HSPG2: variants seen among roughly 807,000 people sequenced by gnomAD.
HSPG2 encodes the protein heparan sulfate proteoglycan 2, also known as basement membrane-specific heparan sulfate proteoglycan core protein.
Under a neutral mutation model 526.6 loss-of-function variants are expected in HSPG2, and 278 were observed. The observed-to-expected ratio is 0.53, with a 90% CI of 0.48 to 0.58. HSPG2 has a LOEUF of 0.58. Ranked by LOEUF, HSPG2 falls within the 20% of genes least tolerant of loss-of-function variation. HSPG2 has a pLI of 0.00. For missense variants in HSPG2, 5,354 were observed against 6,099.5 expected (o/e 0.88, Z 4.07); for synonymous variants, 2,465 against 2,555.4 (o/e 0.96, Z 1.07).
At chr1:21,855,947 T>G (rs781013769) in intron 44 of HSPG2, 35 bp from the exon 45 acceptor site, 2 of 1,601,408 alleles carry the variant, frequency 1.2e-6, no homozygotes, top group African/African-American at 2.7e-5. Context: ...GCACTCAGGG[T>G]GGGGAGTGTC....
chr1:21,902,824 C>T (rs1160925783), intron 1 of HSPG2, among the ~76,000 whole-genome samples: 2 of 152,232 alleles, frequency 1.3e-5, no homozygotes, highest in Non-Finnish European at 2.9e-5. Context: ...CCCGCACTCA[C>T]CACGTTGCCT....
chr1:21,882,858 C>G (rs1342166045), intron 13 of HSPG2, among the ~76,000 whole-genome samples: 2 of 152,180 alleles, frequency 1.3e-5, no homozygotes, highest in South Asian at 2.1e-4. Flanking sequence ...GCTTCTCCCC[C>G]TCATCCTGAA....
chr1:21,870,389 AC>A, intron 33 of HSPG2: 1 of 629,622 alleles, frequency 1.6e-6, no homozygotes, highest in Non-Finnish European at 2.0e-6. Context: ...AGGGTCCTCT[AC>A]CCACGGACAT....
At position 21,880,769 on chromosome 1, in the gene HSPG2, G is replaced by A; in HGVS notation, c.1885C>T (p.Pro629Ser). 6.3e-7 allele frequency: 1 copy of A among 1,599,616 alleles called. No homozygotes were observed. Among genetic ancestry groups the A allele is most frequent in the Non-Finnish European group, 8.5e-7 (1 of 1,173,798 alleles). Residue 629 changes from proline (P) to serine (S), a missense_variant, in exon 15 of 97, where the codon CCA (proline) becomes TCA (serine). By Grantham distance (74) the Pro-to-Ser change is moderately conservative (BLOSUM62 -1). Transcript: ENST00000374695. ...AGGACCACGTCCGGCCGCTGCACTG[G>A]CTCCAGCATGCCACGGGCCAACTCG... ...RYELARGMLEPVQRPDVVLMG... is the reference protein window; with the variant it reads ...RYELARGMLESVQRPDVVLMG...
Position 21,884,803 on chromosome 1 carries a change from T to C in HSPG2, c.1471A>G (p.Ile491Val), listed in dbSNP as rs1276908675. The part of the protein sequence containing the change: ...AMNARGMVFG[I>V]PDGVLELVPQ... ...ACGAGCTCAAGGACACCGTCAGGAA[T>C]GCCAAACACCATGCCCCGGGCGTTC... is the stretch of plus-strand genomic sequence containing the variant. The change falls in exon 12 of 97, where the codon ATT becomes GTT. Residue 491 changes from isoleucine (I) to valine (V), a missense_variant. By Grantham distance (29) the Ile-to-Val change is conservative (BLOSUM62 3). Coordinates refer to ENST00000374695, the MANE Select transcript of HSPG2 (RefSeq NM_005529.7). 11 of 1,613,726 alleles carry C rather than the reference T, an allele frequency of 6.8e-6. No homozygotes were observed. Among genetic ancestry groups the C allele is most frequent in the Middle Eastern group, 1.6e-4 (1 of 6,062 alleles).
chr1:21,916,525 A>G (rs192676541), intron 1 of HSPG2, among the ~76,000 whole-genome samples: 1 of 151,428 alleles, frequency 6.6e-6, no homozygotes, highest in African/African-American at 2.4e-5. Flanking sequence ...AAAATAAATA[A>G]ATAAATAACA....
intron 49 of HSPG2, 81 bp from the exon 50 acceptor site, chr1:21,854,424 C>T: frequency 6.6e-7 from 1 of 1,518,068 alleles, no homozygotes; most frequent in Non-Finnish European, 8.9e-7. Flanking sequence ...GTGATTCATT[C>T]AAACTCTCAC....
In HSPG2 at chr1:21,905,401, A is replaced by G. The variant is rs183103824; in HGVS notation, c.64-9091T>C. Among the ~76,000 whole-genome samples, 4 of 152,318 alleles carry G rather than the reference A, an allele frequency of 2.6e-5. No individual in the cohort carries two copies. In the East Asian group the frequency reaches 7.7e-4, roughly 29 times the overall value. On this transcript the variant is annotated intron_variant, in intron 1 of 96. Transcript: ENST00000374695. ...GCCCCCTGCCTGGGACACTGTCCCC[A>G]CATATTCCATCACTCGCTCCACTTC...
intron 64 of HSPG2, among the ~76,000 whole-genome samples, chr1:21,844,600 A>G (rs1638277496): frequency 6.6e-6 from 1 of 152,236 alleles, no homozygotes; most frequent in South Asian, 2.1e-4. Flanking sequence ...AATGTTTGGC[A>G]GACTCAGATA....
At position 21,887,466 on chromosome 1, in the gene HSPG2, G is replaced by A. The variant is rs144227288; in HGVS notation, c.912C>T (p.Cys304=). 11 of 1,614,032 alleles carry A rather than the reference G, an allele frequency of 6.8e-6. No individual in the cohort carries two copies. The highest frequency in any genetic ancestry group is 4.5e-5 in the East Asian group (2 of 44,866). Residue 304 remains cysteine, a synonymous_variant, in exon 8 of 97, where the codon TGC becomes TGT. Transcript: ENST00000374695. The surrounding 1 kb of genome is among the most constrained non-coding windows in gnomAD (Gnocchi z 5.0). ...NGHCIPRDYL[C]DGQEDCEDGS... is the part of the protein sequence containing the mutation. Reference sequence around the variant, plus strand: ...CGTCCTCGCAGTCCTCCTGTCCGTCGCAGAGGTAGTCTCTGGGGATGCAGT... The same window carrying A: ...CGTCCTCGCAGTCCTCCTGTCCGTCACAGAGGTAGTCTCTGGGGATGCAGT...
chr1:21,850,342 C>G, intron 56 of HSPG2, 21 bp downstream of exon 56: 1 of 1,602,166 alleles, frequency 6.2e-7, no homozygotes. Context: ...CCCAGCCCTG[C>G]CCTCCCTGAG....
chr1:21,877,330 GTAGGTGA>G lies in HSPG2; in HGVS notation c.2686-685_2686-679del, dbSNP rs534407173. On this transcript the variant is annotated intron_variant, in intron 21 of 96. Transcript: ENST00000374695. ...TTAACTCCCCTAAGGACCTTGAGAG[GTAGGTGA>G]TACCTTCATCCTTCACATGAGGAAA... 1.3e-3 allele frequency among the ~76,000 whole-genome samples: 203 copies of G among 152,180 alleles called. 2 individuals carry two copies. The highest frequency in any genetic ancestry group is 4.6e-3 in the African/African-American group (189 of 41,530).
chr1:21,908,308 G>A (rs1299730861), intron 1 of HSPG2: 2 of 982,382 alleles, frequency 2.0e-6, no homozygotes, highest in East Asian at 2.4e-5. Flanking sequence ...TATCCAGTAT[G>A]CTGCTAGCAT....
At chr1:21,923,152 A>C (rs1013954827) in intron 1 of HSPG2, among the ~76,000 whole-genome samples, 1 of 152,180 alleles carries the variant, frequency 6.6e-6, no homozygotes, top group Non-Finnish European at 1.5e-5. Flanking sequence ...CACACCTGTA[A>C]TCCCAGCACT....
In HSPG2 at chr1:21,833,924, G is replaced by C. The variant is rs1425167493; in HGVS notation, c.10722C>G (p.Ala3574=). 6.3e-7 allele frequency: 1 copy of C among 1,576,676 alleles called. No individual in the cohort carries two copies. Among genetic ancestry groups the C allele is most frequent in the East Asian group, 2.3e-5 (1 of 42,968 alleles). ...CTTGGGGCATTGAGATCTGGGGCAA[G>C]GCTGAGAGGCATGGAAGAGACATAG... ...TQSHVLLLVQ[A]LPQISMPQEV... Residue 3574 remains alanine (A), a splice_region_variant and synonymous_variant, in exon 78 of 97, where the codon GCC becomes GCG. Transcript: ENST00000374695.
chr1:21,843,472 G>GC, intron 65 of HSPG2, 34 bp from the exon 66 acceptor site: 1 of 1,594,144 alleles, frequency 6.3e-7, no homozygotes, highest in Non-Finnish European at 8.6e-7. Flanking sequence ...GGGAGGGTGA[G>GC]CTGGGAGCCT....
chr1:21,909,939 G>T lies in HSPG2; in HGVS notation c.64-13629C>A, dbSNP rs562053539. Among the ~76,000 whole-genome samples, 3 of 152,330 alleles carry T rather than the reference G, an allele frequency of 2.0e-5. No homozygotes were observed. The South Asian group carries it at 6.2e-4, about 32-fold the overall frequency. On this transcript the variant is annotated intron_variant, in intron 1 of 96. Coordinates refer to ENST00000374695, the MANE Select transcript of HSPG2 (RefSeq NM_005529.7). ...TCCCTGGGAGTCCCCCACCCACCAG[G>T]CTCCCCCCTCAGCTGCACGTTGCTC...
In HSPG2 at chr1:21,852,991, G is replaced by A. The variant is rs371437903; in HGVS notation, c.6519C>T (p.Cys2173=). 8 of 1,613,644 alleles carry A rather than the reference G, an allele frequency of 5.0e-6. No individual in the cohort carries two copies. Among genetic ancestry groups the A allele is most frequent in the Admixed American group, 1.7e-5 (1 of 60,006 alleles). Residue 2173 remains cysteine, a synonymous_variant, in exon 51 of 97, where the codon TGC becomes TGT. Transcript: ENST00000374695. The stretch of plus-strand genomic sequence containing the variant: ...GGGCGTGGGCCTGCCCGGGCACCAC[G>A]CAGTTCAGATCCAGGGTCTGCCCTT... ...VAEGQTLDLN[C]VVPGQAHAQV...
At chr1:21,856,984 G>A in intron 44 of HSPG2, 31 bp downstream of exon 44, 1 of 1,606,406 alleles carries the variant, frequency 6.2e-7, no homozygotes, top group Non-Finnish European at 8.5e-7. Context: ...AGAGACAGGA[G>A]GGGAGAATCA....
Sources: gnomAD v4.1 joint callset for allele counts (sites outside exome capture counted in the v4.1 genomes callset) on GRCh38, gnomAD v4.1.1 for gene constraint, Gnocchi (gnomAD v3.1) non-coding constraint, MANE v1.5 for transcripts, NCBI Gene and HGNC (gene_info 2026-07-23, HGNC 2026-07-21) for gene names.